TG: variants seen among roughly 807,000 people sequenced by gnomAD.
TG encodes the protein thyroglobulin, also known as thyroid hormones.
TG carries 270 observed loss-of-function variants against 324.7 expected under a neutral mutation model. That is an observed-to-expected ratio of 0.83 (90% confidence interval 0.75 to 0.92). The LOEUF (loss-of-function observed/expected upper bound fraction) is 0.92. Among genes scored for constraint, TG ranks in the 40% least tolerant of loss-of-function variants. TG has a pLI of 0.00. For missense variants in TG, 3,591 were observed against 3,456.4 expected (o/e 1.04, Z -0.98); for synonymous variants, 1,401 against 1,327.0 (o/e 1.06, Z -1.21).
chr8:132,898,747 T>G (rs1397706059), intron 13 of TG, 51 bp from the exon 14 acceptor site: 2 of 1,558,704 alleles, frequency 1.3e-6, no homozygotes, highest in Non-Finnish European at 1.8e-6. Context: ...GATCCCCTCT[T>G]TCTCTTGGCT....
intron 34 of TG, among the ~76,000 whole-genome samples, chr8:132,975,310 G>A (rs1355741157): frequency 6.6e-6 from 1 of 152,184 alleles, no homozygotes; most frequent in African/African-American, 2.4e-5. Context: ...GTAAAAAGAA[G>A]CTTAAGAAGT....
chr8:132,961,236 G>C (rs944018570), intron 28 of TG, among the ~76,000 whole-genome samples, 163 bp downstream of exon 28: 3 of 152,170 alleles, frequency 2.0e-5, no homozygotes, highest in African/African-American at 7.2e-5. Flanking sequence ...CAACTCATCA[G>C]ATAAGATGCC....
chr8:133,108,212 T>C (rs1045613819), intron 43 of TG, among the ~76,000 whole-genome samples: 6 of 151,886 alleles, frequency 4.0e-5, no homozygotes, highest in Non-Finnish European at 8.8e-5. Context: ...GGTCTCGATC[T>C]CCTGACCTTG....
intron 25 of TG, 99 bp downstream of exon 25, chr8:132,935,963 G>A: frequency 1.1e-6 from 1 of 902,714 alleles, no homozygotes. Context: ...GAGCCAGACT[G>A]TCCCGCTCCC....
At chr8:132,892,114 G>T (rs947053009) in intron 10 of TG, among the ~76,000 whole-genome samples, 3 of 152,174 alleles carry the variant, frequency 2.0e-5, no homozygotes, top group Non-Finnish European at 4.4e-5. Context: ...ACTAATAAAT[G>T]ACCCAAAAAT....
chr8:133,038,453 T>C (rs1837482915), intron 41 of TG: 1 of 1,284,330 alleles, frequency 7.8e-7, no homozygotes. Flanking sequence ...GAACCTCGCT[T>C]TTCGCAAGAT....
chr8:132,935,137 CT>C (rs34047530), intron 24 of TG, among the ~76,000 whole-genome samples: 50,292 of 136,232 alleles, frequency 0.37, 9,478 homozygotes, highest in Admixed American at 0.49. Flanking sequence ...CTGGCAAACT[CT>C]TTTTTTTTTT....
Position 132,972,666 on chromosome 8 carries a change from GC to G in TG, c.6126del (p.Trp2043GlyfsTer110). 2 of 1,613,440 alleles carry G rather than the reference GC, an allele frequency of 1.2e-6. No individual in the cohort carries two copies. The highest frequency in any genetic ancestry group is 1.7e-6 in the Non-Finnish European group (2 of 1,179,940). On this transcript the variant is annotated frameshift_variant, in exon 34 of 48. Transcript: ENST00000220616. LOFTEE classifies it high-confidence loss of function. ...GATGTGCAGTGAGGAGAATGGAGGAGCCTGGCGCATTTTGGACTGTGGCTCT... is the reference window on the plus strand; with the variant it reads ...GATGTGCAGTGAGGAGAATGGAGGAGCTGGCGCATTTTGGACTGTGGCTCT... ...IQMCSEENGG[A>X]WRILDCGSPD...
intron 18 of TG, 152 bp from the exon 19 acceptor site, chr8:132,911,225 A>G: frequency 7.4e-7 from 1 of 1,354,578 alleles, no homozygotes; most frequent in Non-Finnish European, 1.0e-6. Context: ...TCAGATGTGG[A>G]AAAGGGGGTC....
intron 11 of TG, among the ~76,000 whole-genome samples, chr8:132,897,266 G>A (rs552008412): frequency 1.3e-5 from 2 of 152,300 alleles, no homozygotes; most frequent in African/African-American, 2.4e-5. Flanking sequence ...TCAGATTGCT[G>A]TGAGGATTAA....
Position 132,888,485 on chromosome 8 carries a change from T to C in TG, c.2678T>C (p.Phe893Ser), listed in dbSNP as rs760901827. 2 of 1,610,486 alleles carry C rather than the reference T, an allele frequency of 1.2e-6. No individual in the cohort carries two copies. The highest frequency in any genetic ancestry group is 1.7e-6 in the Non-Finnish European group (2 of 1,178,322). The change falls in exon 10 of 48, where the codon TTT becomes TCT. Residue 893 changes from phenylalanine to serine, a missense_variant. Physicochemically the swap from Phe to Ser is radical, Grantham distance 155. Coordinates refer to ENST00000220616, the MANE Select transcript of TG (RefSeq NM_003235.5). ...GACTTCAGCACTCCTTTGGCACATTTTGATCTTCGGAACTGCTGGTGTGTG... is the reference window on the plus strand; with the variant it reads ...GACTTCAGCACTCCTTTGGCACATTCTGATCTTCGGAACTGCTGGTGTGTG... ...YSDFSTPLAH[F>S]DLRNCWCVDE...
intron 21 of TG, 146 bp from the exon 22 acceptor site, chr8:132,923,192 A>T: frequency 1.1e-6 from 1 of 919,110 alleles, no homozygotes; most frequent in Non-Finnish European, 1.7e-6. Flanking sequence ...TGATCAGAAC[A>T]GTGGGAACAC....
intron 23 of TG, 99 bp from the exon 24 acceptor site, chr8:132,933,462 G>GTGTGTGTA (rs1823095164): frequency 1.2e-6 from 1 of 800,082 alleles, no homozygotes; most frequent in African/African-American, 1.9e-5. Flanking sequence ...GTGTGTGTGT[G>GTGTGTGTA]TGTTTGGGCA....
rs1244978910 is a variant in TG at position 133,022,245 on chromosome 8, C to T, written c.7036+95C>T. On this transcript the variant is annotated intron_variant, in intron 40 of 47. Coordinates refer to ENST00000220616, the MANE Select transcript of TG (RefSeq NM_003235.5). ...CATCCCCTCACTGCCCCTGCTCCTC[C>T]TCCAGCCAAGCTAGGCACACAGTGG... 5 of 1,551,338 alleles carry T rather than the reference C, an allele frequency of 3.2e-6. No individual in the cohort carries two copies. The African/African-American group carries it at 5.4e-5, about 17-fold the overall frequency.
At chr8:133,122,689 T>C (rs1851232800) in intron 45 of TG, among the ~76,000 whole-genome samples, 2 of 152,072 alleles carry the variant, frequency 1.3e-5, no homozygotes, top group Non-Finnish European at 2.9e-5. Context: ...ACTGCCTGCA[T>C]GGTGTTTAGC....
intron 35 of TG, among the ~76,000 whole-genome samples, chr8:133,006,519 G>A (rs940075): frequency 0.24 from 36,906 of 152,140 alleles, 4,945 homozygotes; most frequent in African/African-American, 0.35. Flanking sequence ...GGCTGCCACC[G>A]TTGGCTGTCA....
intron 20 of TG, among the ~76,000 whole-genome samples, chr8:132,916,799 G>A (rs1207299441): frequency 6.6e-6 from 1 of 152,202 alleles, no homozygotes; most frequent in Non-Finnish European, 1.5e-5. Flanking sequence ...ATTAGTTTAT[G>A]AAGGAGAATA....
At chr8:133,039,907 G>A (rs572072889) in intron 41 of TG, 60 of 1,492,162 alleles carry the variant, frequency 4.0e-5, no homozygotes, top group South Asian at 6.5e-5. Context: ...TCATGTGCTC[G>A]GCACACACAC....
Position 132,917,932 on chromosome 8 carries a change from C to T in TG, c.4379-1444C>T, listed in dbSNP as rs117667776. On this transcript the variant is annotated intron_variant, in intron 20 of 47. Coordinates refer to ENST00000220616, the MANE Select transcript of TG (RefSeq NM_003235.5). Reference sequence around the variant, plus strand: ...ATTGCAAAAACCACAATTACTTTTGCGCCAGCTTAATATTAAGGAAGGGTC... The same window carrying T: ...ATTGCAAAAACCACAATTACTTTTGTGCCAGCTTAATATTAAGGAAGGGTC... 1.3e-3 allele frequency among the ~76,000 whole-genome samples: 175 copies of T among 136,950 alleles called. 1 individual carries two copies. The highest frequency in any genetic ancestry group is 6.8e-3 in the East Asian group (32 of 4,716). 89.8% of individuals were successfully genotyped at this position (136,950 alleles called of 152,430 possible). A position where few individuals can be genotyped will look rare whatever the true frequency, so the allele number is the denominator to read the frequency against.
Sources: gnomAD v4.1 joint callset for allele counts (sites outside exome capture counted in the v4.1 genomes callset) on GRCh38, gnomAD v4.1.1 for gene constraint, MANE v1.5 for transcripts, NCBI Gene and HGNC (gene_info 2026-07-23, HGNC 2026-07-21) for gene names.